The following ROBO2 variants were observed in gnomAD, a reference collection of about 807,000 sequenced individuals.
ROBO2 encodes the protein roundabout homolog 2.
In ROBO2, 53 loss-of-function variants were observed where a neutral mutation model predicts 160.8. The ratio of observed to expected loss-of-function variants is 0.33; its 90% confidence interval spans 0.26 to 0.41. ROBO2 has a LOEUF of 0.41. Ranked by LOEUF, ROBO2 falls within the 10% of genes least tolerant of loss-of-function variation. The pLI, the probability that ROBO2 is intolerant of heterozygous loss-of-function variation, is 1.00. For synonymous variants in ROBO2, 664 were observed against 611.7 expected (o/e 1.09, Z -1.26); for missense variants, 1,577 against 1,722.4 (o/e 0.92, Z 1.49).
At chr3:77,558,210 A>C (rs2093195411) in intron 9 of ROBO2, 61 bp downstream of exon 10, 3 of 1,380,458 alleles carry the variant, frequency 2.2e-6, no homozygotes, top group Admixed American at 3.4e-5. Flanking sequence ...CTCTATGGAA[A>C]AATTGCATAG....
chr3:76,527,217 T>C (rs1388538637), intron 2 of ROBO2, among the ~76,000 whole-genome samples: 1 of 151,988 alleles, frequency 6.6e-6, no homozygotes, highest in East Asian at 1.9e-4. Context: ...AAAGCCAGAG[T>C]GATAAAAATA....
intron 2 of ROBO2, among the ~76,000 whole-genome samples, chr3:77,018,125 C>T (rs1425514328): frequency 1.3e-5 from 2 of 152,108 alleles, no homozygotes; most frequent in East Asian, 1.9e-4. Flanking sequence ...ACATTTGAGA[C>T]AGGATCTCAC....
At position 76,962,638 on chromosome 3, in the gene ROBO2, C is replaced by CAAAAAAAAAAAAAAAAAAAAAAA. The variant is rs1318082985; in HGVS notation, c.110-135375_110-135374insAAAAAAAAAAAAAAAAAAAAAAA. 4.0e-5 allele frequency among the ~76,000 whole-genome samples: 2 copies of CAAAAAAAAAAAAAAAAAAAAAAA among 50,288 alleles called. 1 individual carries two copies. 33.0% of individuals were successfully genotyped at this position (50,288 alleles called of 152,430 possible). On this transcript the variant is annotated intron_variant, in intron 2 of 26. Coordinates refer to the ROBO2 transcript ENST00000487694. ...GGGCAACAAGAGTGAAACTCGATCT[C>CAAAAAAAAAAAAAAAAAAAAAAA]AGAAAAAAAAAAAAAAAAAAAAGCT...
rs1211865291 is a variant in ROBO2, at chr3:77,093,393, T to A, written c.62-4621T>A. ...GTTCTCAGTCCCCAGTGAGTTTTGC[T>A]GACAACTCAGCTTTATTTTTTGACC... On this transcript the variant is annotated intron_variant, in intron 1 of 25. Transcript: ENST00000461745. 2.0e-5 allele frequency among the ~76,000 whole-genome samples: 3 copies of A among 152,176 alleles called. No individual in the cohort carries two copies. The East Asian group carries it at 5.8e-4, about 29-fold the overall frequency.
Position 76,040,053 on chromosome 3 carries a change from ACTT to A in ROBO2, c.109+102454_109+102456del, listed in dbSNP as rs926778440. Among the ~76,000 whole-genome samples the A allele has an allele frequency of 5.3e-5, 8 of 151,838 alleles. 1 individual carries two copies. Among genetic ancestry groups the A allele is most frequent in the African/African-American group, 1.9e-4 (8 of 41,214 alleles). ...TTGTCTTCTTTTTTGTGCAGAGAAA[ACTT>A]CTGAAGCTCATTTTTAACATTTGCT... On this transcript the variant is annotated intron_variant, in intron 2 of 26. Transcript: ENST00000487694.
chr3:76,176,196 G>A (rs2073224407), intron 2 of ROBO2, among the ~76,000 whole-genome samples: 1 of 151,646 alleles, frequency 6.6e-6, no homozygotes, highest in African/African-American at 2.4e-5. Flanking sequence ...TTTATTTTTT[G>A]TTCCTCCATG....
Position 76,423,958 on chromosome 3 carries a change from A to T in ROBO2, c.109+486356A>T, listed in dbSNP as rs114799122. ...CTACTCAATCCACTTTGGTGTGATG[A>T]AGACAACTGGAAAAGGGGACTTTGG... On this transcript the variant is annotated intron_variant, in intron 2 of 26. Transcript: ENST00000487694. Among the ~76,000 whole-genome samples the T allele has an allele frequency of 8.0e-3, 1,221 of 152,300 alleles. 13 individuals are homozygous for T. The highest frequency in any genetic ancestry group is 0.027 in the African/African-American group (1,119 of 41,554).
At chr3:76,010,143 C>T (rs750186161) in intron 2 of ROBO2, among the ~76,000 whole-genome samples, 1 of 152,162 alleles carries the variant, frequency 6.6e-6, no homozygotes, top group South Asian at 2.1e-4. Flanking sequence ...AACTTCGAAA[C>T]TTAATGTGCC....
intron 2 of ROBO2, among the ~76,000 whole-genome samples, chr3:77,419,972 A>G (rs1408587118): frequency 6.6e-6 from 1 of 152,202 alleles, no homozygotes; most frequent in African/African-American, 2.4e-5. Context: ...TCGAAGTTTC[A>G]GGAAACAAAC....
At chr3:75,965,096 A>C (rs1949055835) in intron 2 of ROBO2, 1 of 151,712 alleles carries the variant, frequency 6.6e-6, no homozygotes, top group Admixed American at 6.6e-5. Context: ...ATCTACACTT[A>C]CCTCATCAGC....
At chr3:77,637,491 GTC>G (rs1318488019) in intron 24 of ROBO2, among the ~76,000 whole-genome samples, 1 of 152,104 alleles carries the variant, frequency 6.6e-6, no homozygotes, top group Non-Finnish European at 1.5e-5. Flanking sequence ...AGATTTTTGA[GTC>G]TCTATAAATG....
At chr3:77,120,965 G>T (rs937869634) in intron 2 of ROBO2, among the ~76,000 whole-genome samples, 1 of 152,042 alleles carries the variant, frequency 6.6e-6, no homozygotes, top group Non-Finnish European at 1.5e-5. Context: ...TTATTTTTGA[G>T]ACGGAGTCTC....
intron 2 of ROBO2, among the ~76,000 whole-genome samples, chr3:76,677,372 GT>G (rs1214178979): frequency 1.3e-5 from 2 of 152,158 alleles, no homozygotes; most frequent in African/African-American, 4.8e-5. Flanking sequence ...CACAAGAGAA[GT>G]TAAAATTACT....
intron 2 of ROBO2, among the ~76,000 whole-genome samples, chr3:77,114,896 G>A (rs1002043640): frequency 3.3e-5 from 5 of 152,014 alleles, no homozygotes; most frequent in Admixed American, 6.6e-5. Context: ...TTTACAAGTA[G>A]CAGTCATATA....
intron 2 of ROBO2, among the ~76,000 whole-genome samples, chr3:76,630,863 C>A (rs2089988898): frequency 6.6e-6 from 1 of 152,064 alleles, no homozygotes; most frequent in Non-Finnish European, 1.5e-5. Context: ...AAACTGAATC[C>A]TAAAATTAAA....
At chr3:76,923,294 G>GATAATGTTCCCTC (rs1166106773) in intron 2 of ROBO2, among the ~76,000 whole-genome samples, 2 of 152,198 alleles carry the variant, frequency 1.3e-5, no homozygotes, top group Non-Finnish European at 2.9e-5. Flanking sequence ...AAAAACAGAA[G>GATAATGTTCCCTC]ATAATGTTCC....
intron 2 of ROBO2, among the ~76,000 whole-genome samples, chr3:76,251,056 G>A (rs1449873868): frequency 1.3e-5 from 2 of 151,948 alleles, no homozygotes; most frequent in Non-Finnish European, 2.9e-5. Context: ...TTGTAGCTGG[G>A]CACAATATGA....
chr3:77,568,425 C>T (rs1352079415), exon 13 of ROBO2: 2 of 1,612,768 alleles, frequency 1.2e-6, no homozygotes, highest in Non-Finnish European at 1.7e-6. Context: ...CGGTTCAGGT[C>T]ACATGGACGG....
chr3:76,887,240 A>G (rs2073974482), intron 2 of ROBO2, among the ~76,000 whole-genome samples: 1 of 118,448 alleles, frequency 8.4e-6, no homozygotes, highest in South Asian at 3.1e-4. Context: ...TGACATGATG[A>G]GAAAAGCACT....
Sources: gnomAD v4.1 joint callset for allele counts (sites outside exome capture counted in the v4.1 genomes callset) on GRCh38, gnomAD v4.1.1 for gene constraint, MANE v1.5 for transcripts, NCBI Gene and HGNC (gene_info 2026-07-23, HGNC 2026-07-21) for gene names.